AUH: variants seen among roughly 807,000 people sequenced by gnomAD.
AUH encodes the protein AU RNA binding methylglutaconyl-CoA hydratase, also known as methylglutaconyl-CoA hydratase, mitochondrial.
A neutral mutation model predicts 42.3 loss-of-function variants in AUH; 29 were observed. That is an observed-to-expected ratio of 0.69 (90% CI 0.51 to 0.93). The LOEUF (loss-of-function observed/expected upper bound fraction) is 0.93. Ranked by LOEUF, AUH falls within the 40% of genes least tolerant of loss-of-function variation. The pLI is 0.00. For missense variants in AUH, 452 were observed against 438.1 expected (o/e 1.03, Z -0.28); for synonymous variants, 174 against 166.4 (o/e 1.05, Z -0.35).
chr9:91,258,688 A>G (rs1439037169), intron 6 of AUH, among the ~76,000 whole-genome samples: 5 of 152,200 alleles, frequency 3.3e-5, no homozygotes, highest in Non-Finnish European at 7.3e-5. Context: ...GCTAACTGTA[A>G]ATGTTTTGTA....
At position 91,216,256 on chromosome 9, in the gene AUH, A is replaced by T. The variant is rs1826814260; in HGVS notation, c.895-150T>A. The T allele has an allele frequency of 4.9e-6, 4 of 819,388 alleles. No individual in the cohort carries two copies. In the Admixed American group the frequency reaches 8.2e-5, roughly 17 times the overall value. The allele number at this position is 819,388 out of a possible 1,614,324, so 50.8% of individuals were successfully genotyped here. On this transcript the variant is annotated intron_variant, in intron 8 of 9. Coordinates refer to ENST00000375731, the MANE Select transcript of AUH (RefSeq NM_001698.3). ...TCAGAGTGTGACCAACATGAGACAC[A>T]GAACCAGGCTTCCTGGGTTCGTCCT...
chr9:91,321,845 T>A (rs1019760470), intron 4 of AUH, among the ~76,000 whole-genome samples: 6 of 152,216 alleles, frequency 3.9e-5, no homozygotes, highest in East Asian at 1.9e-4. Context: ...ACACATTTGT[T>A]GATACATCAT....
chr9:91,234,533 G>A (rs185878534), intron 6 of AUH, among the ~76,000 whole-genome samples: 2 of 152,110 alleles, frequency 1.3e-5, no homozygotes, highest in Admixed American at 6.5e-5. Flanking sequence ...CCAAAAAGAC[G>A]AATCATACAA....
chr9:91,300,602 C>CA (rs1168094790), intron 4 of AUH, among the ~76,000 whole-genome samples: 1 of 152,190 alleles, frequency 6.6e-6, no homozygotes, highest in Admixed American at 6.5e-5. Flanking sequence ...AAAATGTAAA[C>CA]ACAGTCATGC....
intron 4 of AUH, among the ~76,000 whole-genome samples, chr9:91,322,666 GA>G (rs1169756517): frequency 6.6e-6 from 1 of 152,044 alleles, no homozygotes; most frequent in Middle Eastern, 3.2e-3. Flanking sequence ...GAAAAACATG[GA>G]AAGCTTTTCA....
chr9:91,306,752 A>C (rs117451098), intron 4 of AUH, among the ~76,000 whole-genome samples: 294 of 152,338 alleles, frequency 1.9e-3, no homozygotes, highest in Admixed American at 6.8e-3. Flanking sequence ...CTCACCATCC[A>C]TAGGATAATA....
rs764846891 is a variant in AUH, at chr9:91,361,649, G to T, written c.241C>A (p.His81Asn). The T allele has an allele frequency of 1.3e-6, 2 of 1,584,150 alleles. No homozygotes were observed. Among genetic ancestry groups the T allele is most frequent in the Admixed American group, 3.6e-5 (2 of 56,176 alleles). The change falls in exon 1 of 10, where the codon CAC becomes AAC. Residue 81 changes from histidine (H) to asparagine (N), a missense_variant. By Grantham distance (68) the His-to-Asn change is moderately conservative. Transcript: ENST00000375731. ...MKTEDELRVR[H>N]LEEENRGIVV... ...TCACCTCGGTTCTCCTCCTCCAGGT[G>T]CCGCACCCGCAGCTCGTCCTCCGTC... is the stretch of plus-strand genomic sequence containing the variant.
chr9:91,361,216 G>A (rs1832824620), intron 1 of AUH, among the ~76,000 whole-genome samples: 1 of 152,180 alleles, frequency 6.6e-6, no homozygotes, highest in South Asian at 2.1e-4. Context: ...ATAATAAAAG[G>A]CAGTTTCACC....
At chr9:91,288,674 CTGATA>C (rs1482503991) in intron 6 of AUH, among the ~76,000 whole-genome samples, 2 of 152,222 alleles carry the variant, frequency 1.3e-5, no homozygotes, top group Admixed American at 6.5e-5. Flanking sequence ...TTAATTACAT[CTGATA>C]TAACTACTAC....
rs1369862674 is a variant in AUH at position 91,349,701 on chromosome 9, CACAG to C, written c.418+6178_418+6181del. 5.6e-4 allele frequency among the ~76,000 whole-genome samples: 84 copies of C among 149,290 alleles called. 1 individual carries two copies. In the East Asian group the frequency reaches 6.6e-3, roughly 12 times the overall value. ...ACAGACACACACACACACACACACA[CACAG>C]AGAGAAGAGAGAGGGAGAGGGAGAG... On this transcript the variant is annotated intron_variant, in intron 3 of 9. Transcript: ENST00000375731.
intron 4 of AUH, among the ~76,000 whole-genome samples, chr9:91,305,036 T>G (rs938190902): frequency 1.3e-5 from 2 of 152,226 alleles, no homozygotes; most frequent in African/African-American, 2.4e-5. Flanking sequence ...CAGCAATATA[T>G]TATTTTAATA....
chr9:91,273,673 T>A (rs1825331981), intron 6 of AUH, among the ~76,000 whole-genome samples: 1 of 152,190 alleles, frequency 6.6e-6, no homozygotes, highest in Non-Finnish European at 1.5e-5. Context: ...TTTTAAGGCA[T>A]CAAAAATAAC....
chr9:91,357,483 C>T, intron 1 of AUH: 1 of 967,828 alleles, frequency 1.0e-6, no homozygotes, highest in Non-Finnish European at 1.2e-6. Flanking sequence ...TGAGTACGTA[C>T]TATAGTGATC....
At chr9:91,344,391 G>A (rs562149415) in intron 3 of AUH, among the ~76,000 whole-genome samples, 17 of 152,146 alleles carry the variant, frequency 1.1e-4, no homozygotes, top group Non-Finnish European at 1.9e-4. Flanking sequence ...TGTATTGATT[G>A]ATGTCTTATG....
intron 6 of AUH, among the ~76,000 whole-genome samples, chr9:91,230,613 G>A (rs1475684287): frequency 1.3e-5 from 2 of 152,184 alleles, no homozygotes; most frequent in Non-Finnish European, 2.9e-5. Context: ...GCGTTCCTTT[G>A]GAGGAGGAGA....
chr9:91,249,724 G>T (rs1829017718), intron 6 of AUH, among the ~76,000 whole-genome samples: 2 of 152,060 alleles, frequency 1.3e-5, no homozygotes, highest in Admixed American at 1.3e-4. Flanking sequence ...TTAAATCAGG[G>T]GTTCTGGCCG....
At chr9:91,289,224 C>T (rs1826662708) in intron 6 of AUH, among the ~76,000 whole-genome samples, 1 of 152,198 alleles carries the variant, frequency 6.6e-6, no homozygotes, top group African/African-American at 2.4e-5. Flanking sequence ...TTTTAAACAT[C>T]TGTTTTCTAG....
chr9:91,283,830 G>T (rs1279458297), intron 6 of AUH, among the ~76,000 whole-genome samples: 4 of 152,070 alleles, frequency 2.6e-5, no homozygotes, highest in Non-Finnish European at 5.9e-5. Context: ...ACAAATGGAA[G>T]AACATTCCAT....
chr9:91,273,202 G>A (rs1160287402), intron 6 of AUH, among the ~76,000 whole-genome samples: 1 of 152,158 alleles, frequency 6.6e-6, no homozygotes, highest in Non-Finnish European at 1.5e-5. Flanking sequence ...TGCTGCCCTG[G>A]GCAGAGACAA....
Sources: gnomAD v4.1 joint callset for allele counts (sites outside exome capture counted in the v4.1 genomes callset) on GRCh38, gnomAD v4.1.1 for gene constraint, MANE v1.5 for transcripts, NCBI Gene and HGNC (gene_info 2026-07-23, HGNC 2026-07-21) for gene names.